The following MAP4K5 variants were observed in gnomAD, a reference collection of about 807,000 sequenced individuals.
MAP4K5 encodes the protein MAPK/ERK kinase kinase kinase 5.
Under a neutral mutation model 135.6 loss-of-function variants are expected in MAP4K5, and 82 were observed. That is an observed-to-expected ratio of 0.60 (90% CI 0.51 to 0.73). The LOEUF is 0.73. Among genes scored for constraint, MAP4K5 ranks in the 30% least tolerant of loss-of-function variants. MAP4K5 has a pLI of 0.00. For synonymous variants in MAP4K5, 347 were observed against 335.0 expected (o/e 1.04, Z -0.39); for missense variants, 907 against 1,010.9 (o/e 0.90, Z 1.39).
intron 3 of MAP4K5, among the ~76,000 whole-genome samples, chr14:50,489,290 G>A (rs2037432653): frequency 6.6e-6 from 1 of 152,182 alleles, no homozygotes; most frequent in Non-Finnish European, 1.5e-5. Context: ...TGAGGTTGCA[G>A]TGAGCTATAA....
intron 21 of MAP4K5, among the ~76,000 whole-genome samples, chr14:50,440,783 A>C (rs2036209295): frequency 6.6e-6 from 1 of 152,158 alleles, no homozygotes; most frequent in African/African-American, 2.4e-5. Context: ...AAGTTAATAT[A>C]AATTATAAAT....
At chr14:50,448,399 C>A (rs925960861) in intron 15 of MAP4K5, among the ~76,000 whole-genome samples, 2 of 149,950 alleles carry the variant, frequency 1.3e-5, no homozygotes, top group African/African-American at 4.9e-5. Flanking sequence ...ACTATATTAA[C>A]AAATAAAATA....
chr14:50,471,319 A>G (rs1179752684), intron 9 of MAP4K5, among the ~76,000 whole-genome samples: 1 of 152,160 alleles, frequency 6.6e-6, no homozygotes, highest in African/African-American at 2.4e-5. Flanking sequence ...GAATATATAT[A>G]TTTTTTAGGT....
intron 26 of MAP4K5, among the ~76,000 whole-genome samples, chr14:50,435,396 G>T (rs1406684176): frequency 6.6e-6 from 1 of 151,976 alleles, no homozygotes; most frequent in Non-Finnish European, 1.5e-5. Flanking sequence ...ACAGGGTCTT[G>T]CTCTGTCATT....
At chr14:50,514,755 G>C (rs2037997886) in intron 2 of MAP4K5, among the ~76,000 whole-genome samples, 1 of 152,148 alleles carries the variant, frequency 6.6e-6, no homozygotes, top group Non-Finnish European at 1.5e-5. Flanking sequence ...AACATGGGCA[G>C]TCTAAAAGAG....
At chr14:50,541,915 G>A (rs1211822244) in intron 2 of MAP4K5, among the ~76,000 whole-genome samples, 1 of 147,364 alleles carries the variant, frequency 6.8e-6, no homozygotes, top group Non-Finnish European at 1.5e-5. Flanking sequence ...GCTGAGGCAG[G>A]AGAATGGCAT....
intron 3 of MAP4K5, 72 bp downstream of exon 3, chr14:50,504,728 C>T (rs7146431): frequency 1 from 1,127,518 of 1,131,204 alleles, 562,017 homozygotes; most frequent in East Asian, 1. Flanking sequence ...AAGACTTCTT[C>T]TGGGAAGAAG....
At chr14:50,493,452 C>A (rs72679504) in intron 3 of MAP4K5, among the ~76,000 whole-genome samples, 4,096 of 152,090 alleles carry the variant, frequency 0.027, 73 homozygotes, top group Non-Finnish European at 0.043. Context: ...ATTGTGTAAG[C>A]ATTTCTCATG....
At chr14:50,462,640 T>A in intron 13 of MAP4K5, 25 bp downstream of exon 13, 1 of 1,491,026 alleles carries the variant, frequency 6.7e-7, no homozygotes, top group Non-Finnish European at 9.3e-7. Context: ...TATTTTCAAC[T>A]ATGAGACTGC....
chr14:50,479,489 G>C (rs928203644), intron 6 of MAP4K5, among the ~76,000 whole-genome samples: 4 of 152,000 alleles, frequency 2.6e-5, no homozygotes, highest in Admixed American at 2.0e-4. Flanking sequence ...AGCTCACTCA[G>C]TATTTAATCA....
Position 50,468,736 on chromosome 14 carries a change from G to T in MAP4K5, c.589C>A (p.Gln197Lys). 6.2e-7 allele frequency: 1 copy of T among 1,612,264 alleles called. No homozygotes were observed. The highest frequency in any genetic ancestry group is 8.5e-7 in the Non-Finnish European group (1 of 1,179,024). The change falls in exon 10 of 33, where the codon CAA becomes AAA. Residue 197 changes from glutamine (Q) to lysine (K), a missense_variant. Physicochemically the swap from Gln to Lys is moderately conservative, Grantham distance 53. Coordinates refer to ENST00000682126, the MANE Select transcript of MAP4K5 (RefSeq NM_006575.6). ...AAVEKNGGYN[Q>K]LCDIWAVGIT... ...CCTACTGCCCAGATATCACAGAGTTGGTTGTAGCCACCATTCTTCTCTACT... is the reference window on the plus strand; with the variant it reads ...CCTACTGCCCAGATATCACAGAGTTTGTTGTAGCCACCATTCTTCTCTACT...
intron 1 of MAP4K5, among the ~76,000 whole-genome samples, chr14:50,554,263 T>C (rs970389404): frequency 1.3e-5 from 2 of 152,206 alleles, no homozygotes; most frequent in African/African-American, 4.8e-5. Flanking sequence ...CTTTGACTCA[T>C]TCTCAAATTG....
At chr14:50,425,845 C>T (rs1287831376) in intron 31 of MAP4K5, 62 bp downstream of exon 31, 39 of 1,155,446 alleles carry the variant, frequency 3.4e-5, no homozygotes, top group South Asian at 2.2e-4. Context: ...ATGCATAAAA[C>T]GAGTGCTTCG....
At chr14:50,488,917 T>G (rs1341923586) in intron 3 of MAP4K5, among the ~76,000 whole-genome samples, 3 of 152,238 alleles carry the variant, frequency 2.0e-5, no homozygotes, top group African/African-American at 4.8e-5. Flanking sequence ...GAGACTTACA[T>G]AAAGCTACTA....
intron 30 of MAP4K5, among the ~76,000 whole-genome samples, chr14:50,427,733 T>C (rs115111837): frequency 6.6e-6 from 1 of 152,180 alleles, no homozygotes; most frequent in South Asian, 2.1e-4. Flanking sequence ...TCAATGAGCA[T>C]GCAAACAATA....
In MAP4K5 at chr14:50,482,407, G is replaced by A. The variant is rs773131467; in HGVS notation, c.332C>T (p.Pro111Leu). 1 of 1,525,862 alleles carries A rather than the reference G, an allele frequency of 6.6e-7. No homozygotes were observed. The highest frequency in any genetic ancestry group is 1.3e-5 in the South Asian group (1 of 79,054). 94.5% of individuals were successfully genotyped at this position (1,525,862 alleles called of 1,614,324 possible). A position where few individuals can be genotyped will look rare whatever the true frequency, so the allele number is the denominator to read the frequency against. The change falls in exon 6 of 33, where the codon CCA (proline) becomes CTA (leucine). Residue 111 changes from proline (P) to leucine (L), a missense_variant. Physicochemically the swap from Pro to Leu is moderately conservative, Grantham distance 98. Transcript: ENST00000682126. ...ATAGGCTATTTGCAATTCTGATAAT[G>A]GTCCAGTAACTAGAAAGAAAAAGAG... ...SLQDIYHVTGPLSELQIAYVC... is the reference protein window; with the variant it reads ...SLQDIYHVTGLLSELQIAYVC...
At chr14:50,528,826 C>T (rs149383153) in intron 2 of MAP4K5, among the ~76,000 whole-genome samples, 2 of 152,190 alleles carry the variant, frequency 1.3e-5, no homozygotes, top group African/African-American at 4.8e-5. Context: ...ACTTCTAAAA[C>T]GTCCTAGGAT....
chr14:50,462,314 A>G (rs2036728987), intron 13 of MAP4K5, among the ~76,000 whole-genome samples: 2 of 152,218 alleles, frequency 1.3e-5, no homozygotes, highest in Admixed American at 1.3e-4. Context: ...AAGGGCAATC[A>G]CTAAAAGGGA....
At chr14:50,438,229 A>G (rs1595435284) in intron 23 of MAP4K5, 135 bp from the exon 24 acceptor site, 1 of 503,442 alleles carries the variant, frequency 2.0e-6, no homozygotes, top group Non-Finnish European at 3.6e-6. Context: ...TTAATTCAGA[A>G]TATATAAATT....
Sources: gnomAD v4.1 joint callset for allele counts (sites outside exome capture counted in the v4.1 genomes callset) on GRCh38, gnomAD v4.1.1 for gene constraint, MANE v1.5 for transcripts, NCBI Gene and HGNC (gene_info 2026-07-23, HGNC 2026-07-21) for gene names.